The following CFAP299 variants were observed in gnomAD, a reference collection of about 807,000 sequenced individuals.
CFAP299 encodes the protein cilia- and flagella-associated protein 299.
CFAP299 carries 21 observed loss-of-function variants against 27.0 expected under a neutral mutation model. The observed-to-expected ratio is 0.78, with a 90% CI of 0.55 to 1.12. CFAP299 has a LOEUF of 1.12. Among genes scored for constraint, CFAP299 ranks in the 50% most tolerant of loss-of-function variants. The pLI is 0.00. For missense variants in CFAP299, 310 were observed against 276.6 expected, an observed-to-expected ratio of 1.12 and a Z score of -0.86; for synonymous variants, 104 against 98.1, an observed-to-expected ratio of 1.06 and a Z score of -0.36.
chr4:80,620,735 C>T (rs1738550092), intron 3 of CFAP299, among the ~76,000 whole-genome samples: 1 of 152,044 alleles, frequency 6.6e-6, no homozygotes. Flanking sequence ...AATTTGTTCC[C>T]TACAGAAAGT....
intron 2 of CFAP299, among the ~76,000 whole-genome samples, chr4:80,518,082 G>T (rs547907545): frequency 1.3e-5 from 2 of 152,204 alleles, no homozygotes; most frequent in South Asian, 4.2e-4. Context: ...CATGTGAGTT[G>T]GTTGGTAAAG....
At chr4:80,812,270 GAC>G (rs1729193251) in intron 3 of CFAP299, among the ~76,000 whole-genome samples, 2 of 152,074 alleles carry the variant, frequency 1.3e-5, no homozygotes, top group African/African-American at 4.8e-5. Flanking sequence ...TTCTCTGGCA[GAC>G]ACAGTCCCTG....
chr4:80,712,567 T>C (rs1449444867), intron 3 of CFAP299, among the ~76,000 whole-genome samples: 1 of 152,212 alleles, frequency 6.6e-6, no homozygotes, highest in African/African-American at 2.4e-5. Flanking sequence ...GGTGACTAAC[T>C]GTATAATCCA....
chr4:80,344,627 A>G (rs1722634375), intron 1 of CFAP299, among the ~76,000 whole-genome samples: 2 of 151,392 alleles, frequency 1.3e-5, no homozygotes, highest in African/African-American at 4.8e-5. Context: ...AAAAAGGGGA[A>G]CTCCTCCCTG....
intron 2 of CFAP299, among the ~76,000 whole-genome samples, chr4:80,375,002 G>A (rs1390839808): frequency 6.6e-6 from 1 of 151,928 alleles, no homozygotes; most frequent in Non-Finnish European, 1.5e-5. Context: ...GGGCTTCCTT[G>A]TAAGCTAGAA....
intron 3 of CFAP299, among the ~76,000 whole-genome samples, chr4:80,843,478 A>G (rs142208374): frequency 0.04 from 6,081 of 152,176 alleles, 180 homozygotes; most frequent in East Asian, 0.13. Flanking sequence ...CCAGTCTATC[A>G]TTGTTGGACA....
intron 3 of CFAP299, among the ~76,000 whole-genome samples, chr4:80,812,113 A>T (rs1036911265): frequency 1.3e-5 from 2 of 152,146 alleles, no homozygotes; most frequent in African/African-American, 4.8e-5. Flanking sequence ...CATATATTCT[A>T]AAATTCCAAA....
At chr4:80,856,675 G>T (rs35799460) in intron 3 of CFAP299, among the ~76,000 whole-genome samples, 20,919 of 151,182 alleles carry the variant, frequency 0.14, 1,274 homozygotes, top group Middle Eastern at 0.26. Context: ...TTTCCCCATT[G>T]CTTGTTTTTC....
At chr4:80,759,607 T>G (rs1466899969) in intron 3 of CFAP299, among the ~76,000 whole-genome samples, 2 of 152,244 alleles carry the variant, frequency 1.3e-5, no homozygotes, top group African/African-American at 4.8e-5. Flanking sequence ...TAATATTGAC[T>G]ATTGTATATC....
intron 2 of CFAP299, among the ~76,000 whole-genome samples, chr4:80,472,954 A>G (rs1207236897): frequency 6.6e-6 from 1 of 152,154 alleles, no homozygotes; most frequent in African/African-American, 2.4e-5. Flanking sequence ...TGATTAATTG[A>G]TACTCAATTC....
In CFAP299 at chr4:80,800,917, G is replaced by C. The variant is rs896622729; in HGVS notation, c.334-69076G>C. On this transcript the variant is annotated intron_variant, in intron 3 of 5. Coordinates refer to ENST00000358105, the MANE Select transcript of CFAP299 (RefSeq NM_152770.3). The stretch of plus-strand genomic sequence containing the variant: ...CCCAAAACTGAAGAACTTGGAGTCT[G>C]ATGTTTGAGGGCAGGCAGCATCTGT... Among the ~76,000 whole-genome samples the C allele has an allele frequency of 2.0e-5, 3 of 150,516 alleles. No homozygotes were observed. The East Asian group carries it at 5.9e-4, about 29-fold the overall frequency.
chr4:80,833,571 A>G (rs569115217), intron 3 of CFAP299, among the ~76,000 whole-genome samples: 18 of 152,204 alleles, frequency 1.2e-4, no homozygotes, highest in Non-Finnish European at 2.5e-4. Context: ...AAAAAGCTTA[A>G]TAAGGAAATA....
At chr4:80,934,480 G>A (rs1736786269) in intron 4 of CFAP299, among the ~76,000 whole-genome samples, 1 of 151,528 alleles carries the variant, frequency 6.6e-6, no homozygotes, top group Non-Finnish European at 1.5e-5. Context: ...TAAAAGGATT[G>A]GTATTAATTT....
chr4:80,947,314 A>C (rs1366204909), intron 5 of CFAP299, among the ~76,000 whole-genome samples: 1 of 152,192 alleles, frequency 6.6e-6, no homozygotes, highest in Admixed American at 6.6e-5. Flanking sequence ...TTGGATACGT[A>C]TATTTCTTTA....
intron 3 of CFAP299, among the ~76,000 whole-genome samples, chr4:80,591,102 G>GC (rs1736723484): frequency 2.1e-5 from 2 of 96,576 alleles, no homozygotes; most frequent in African/African-American, 3.2e-5. Flanking sequence ...AATACTTTAG[G>GC]AAATTTTTTT....
chr4:80,393,549 A>G (rs1322659848), intron 2 of CFAP299, among the ~76,000 whole-genome samples: 3 of 152,176 alleles, frequency 2.0e-5, no homozygotes, highest in African/African-American at 7.2e-5. Context: ...ATATTTTTAC[A>G]GTACCTTTTC....
intron 3 of CFAP299, among the ~76,000 whole-genome samples, chr4:80,722,664 G>C (rs1722898893): frequency 2.0e-5 from 3 of 152,128 alleles, no homozygotes. Flanking sequence ...ACTTTGGGAG[G>C]CTGAGGCAGG....
intron 1 of CFAP299, among the ~76,000 whole-genome samples, chr4:80,337,813 T>C (rs114926313): frequency 3.3e-3 from 509 of 152,346 alleles, no homozygotes; most frequent in African/African-American, 0.011. Context: ...TTTGTTGTAC[T>C]TTCATAAAAA....
At chr4:80,410,023 A>G (rs1726641161) in intron 2 of CFAP299, among the ~76,000 whole-genome samples, 1 of 152,194 alleles carries the variant, frequency 6.6e-6, no homozygotes, top group African/African-American at 2.4e-5. Flanking sequence ...ACTAGCTCCT[A>G]AGAGAGTGCT....
Sources: gnomAD v4.1 joint callset for allele counts (sites outside exome capture counted in the v4.1 genomes callset) on GRCh38, gnomAD v4.1.1 for gene constraint, MANE v1.5 for transcripts, NCBI Gene and HGNC (gene_info 2026-07-23, HGNC 2026-07-21) for gene names.